ASPH: variants seen among roughly 807,000 people sequenced by gnomAD.
ASPH encodes the protein aspartate beta-hydroxylase.
Under a neutral mutation model 118.4 loss-of-function variants are expected in ASPH, and 100 were observed. That is an observed-to-expected ratio of 0.84 (90% CI 0.72 to 1.00). The LOEUF is 1.00. Ranked by LOEUF, ASPH falls within the 50% of genes least tolerant of loss-of-function variation. ASPH has a pLI of 0.00. For missense variants in ASPH, 920 were observed against 919.5 expected (o/e 1.00, Z -0.01); for synonymous variants, 315 against 325.6 (o/e 0.97, Z 0.35).
chr8:61,619,798 G>A (rs1047157649), intron 13 of ASPH, among the ~76,000 whole-genome samples: 1 of 152,112 alleles, frequency 6.6e-6, no homozygotes, highest in Non-Finnish European at 1.5e-5. Context: ...TAATTTTCAC[G>A]GCAATCACTT....
intron 3 of ASPH, chr8:61,658,919 T>C (rs1018904640): frequency 6.6e-6 from 1 of 152,272 alleles, no homozygotes; most frequent in African/African-American, 2.4e-5. Flanking sequence ...GTTACTAGGA[T>C]AGGTGCTCGA....
chr8:61,710,664 G>A (rs1251448749), intron 1 of ASPH, among the ~76,000 whole-genome samples: 6 of 152,176 alleles, frequency 3.9e-5, no homozygotes, highest in African/African-American at 1.2e-4. Context: ...TTCTTGCAGT[G>A]GAAGAATTAT....
intron 1 of ASPH, among the ~76,000 whole-genome samples, chr8:61,695,721 C>A (rs1833772809): frequency 6.6e-6 from 1 of 152,218 alleles, no homozygotes; most frequent in African/African-American, 2.4e-5. Context: ...ACTGAATCTG[C>A]CACGTTCATT....
At chr8:61,635,544 T>C (rs182258829) in intron 12 of ASPH, among the ~76,000 whole-genome samples, 103 of 152,186 alleles carry the variant, frequency 6.8e-4, no homozygotes, top group African/African-American at 2.2e-3. Context: ...TTTTCTCTCC[T>C]AAACCAGTTT....
intron 1 of ASPH, among the ~76,000 whole-genome samples, chr8:61,695,157 C>T (rs963052914): frequency 1.3e-5 from 2 of 152,202 alleles, no homozygotes; most frequent in Non-Finnish European, 2.9e-5. Context: ...GTTCTTTCAA[C>T]TGTGATCATC....
chr8:61,704,051 C>T (rs959156927), intron 1 of ASPH, among the ~76,000 whole-genome samples: 2 of 151,108 alleles, frequency 1.3e-5, no homozygotes, highest in South Asian at 2.1e-4. Flanking sequence ...AAAAATTAGC[C>T]GGGCGTAGTG....
At chr8:61,645,053 C>T (rs188313265) in intron 6 of ASPH, among the ~76,000 whole-genome samples, 3 of 152,316 alleles carry the variant, frequency 2.0e-5, no homozygotes, top group Admixed American at 2.0e-4. Context: ...AGGCTTTATA[C>T]CCTTAGGGAG....
rs1323611048 is a variant in ASPH, at chr8:61,714,312, G to A, written c.60C>T (p.Ser20=). The change falls in exon 1 of 25, where the codon AGC becomes AGT. Residue 20 remains serine (S), a synonymous_variant. Transcript: ENST00000379454. The stretch of plus-strand genomic sequence containing the variant: ...TGCTGCTGCCCGCACTCGTGCTACC[G>A]CTGCCGGAGCCGCTGCTGCTGCTGT... The part of the protein sequence containing the change: ...SGNSSSSGSG[S]GSTSAGSSSP... 1.3e-6 allele frequency: 2 copies of A among 1,522,848 alleles called. No individual in the cohort carries two copies. Among genetic ancestry groups the A allele is most frequent in the African/African-American group, 1.4e-5 (1 of 69,640 alleles). The allele number at this position is 1,522,848 out of a possible 1,614,324, so 94.3% of individuals were successfully genotyped here. A position where few individuals can be genotyped will look rare whatever the true frequency, so the allele number is the denominator to read the frequency against.
chr8:61,710,892 C>CT (rs2151930856), intron 1 of ASPH, among the ~76,000 whole-genome samples: 1 of 152,248 alleles, frequency 6.6e-6, no homozygotes, highest in African/African-American at 2.4e-5. Context: ...AAGTGTGTTT[C>CT]TAAATGACAA....
chr8:61,664,758 G>T (rs1309536353), intron 3 of ASPH: 42 of 986,354 alleles, frequency 4.3e-5, no homozygotes, highest in Non-Finnish European at 5.1e-5. Context: ...GGCTGGAGAG[G>T]AGGGAAGGTG....
At chr8:61,658,173 A>T (rs904762594) in intron 3 of ASPH, 5 of 152,324 alleles carry the variant, frequency 3.3e-5, no homozygotes, top group Non-Finnish European at 5.9e-5. Context: ...GTAATCAGTG[A>T]ATACAGATCT....
chr8:61,642,272 G>A (rs1045979308), intron 10 of ASPH, among the ~76,000 whole-genome samples: 6 of 152,172 alleles, frequency 3.9e-5, no homozygotes, highest in South Asian at 2.1e-4. Flanking sequence ...ATTTAACTCC[G>A]GCTAAAGTAG....
intron 21 of ASPH, among the ~76,000 whole-genome samples, chr8:61,542,959 T>C (rs1822496703): frequency 6.6e-6 from 1 of 152,218 alleles, no homozygotes; most frequent in Admixed American, 6.5e-5. Context: ...AAAGGAAGGT[T>C]CCTTTTGTGC....
intron 14 of ASPH, among the ~76,000 whole-genome samples, chr8:61,587,841 CTCTT>C (rs1443796050): frequency 2.0e-5 from 3 of 152,146 alleles, no homozygotes; most frequent in Non-Finnish European, 2.9e-5. Context: ...CACAGACTCA[CTCTT>C]TCTTCTCATT....
intron 3 of ASPH, among the ~76,000 whole-genome samples, chr8:61,669,964 A>G (rs1449352182): frequency 3.3e-5 from 5 of 152,188 alleles, no homozygotes; most frequent in Non-Finnish European, 7.3e-5. Context: ...TTGGGTATAA[A>G]TCCTTATAGT....
At chr8:61,626,068 A>G in intron 13 of ASPH, 19 of 1,241,544 alleles carry the variant, frequency 1.5e-5, no homozygotes, top group Non-Finnish European at 1.9e-5. Context: ...GTAACATGAC[A>G]TTTTTAGAAA....
At chr8:61,649,342 A>C (rs1189440259) in intron 5 of ASPH, among the ~76,000 whole-genome samples, 2 of 152,156 alleles carry the variant, frequency 1.3e-5, no homozygotes, top group African/African-American at 4.8e-5. Flanking sequence ...TAGCATAAGC[A>C]ATCTGGGGAG....
intron 14 of ASPH, among the ~76,000 whole-genome samples, chr8:61,599,086 A>G (rs933373602): frequency 6.6e-6 from 1 of 152,236 alleles, no homozygotes. Context: ...TCAAAGAACT[A>G]GAAGATCAAG....
At chr8:61,665,468 G>T in intron 3 of ASPH, 2 of 1,572,920 alleles carry the variant, frequency 1.3e-6, no homozygotes, top group Non-Finnish European at 8.6e-7. Flanking sequence ...CTCCTTCCTG[G>T]ATAGGTCTGC....
Sources: allele counts gnomAD v4.1 joint callset (sites outside exome capture counted in the v4.1 genomes callset), GRCh38; gene constraint gnomAD v4.1.1; transcripts MANE v1.5; gene names NCBI Gene and HGNC (gene_info 2026-07-23, HGNC 2026-07-21).